CNST: variants seen among roughly 807,000 people sequenced by gnomAD.
CNST encodes the protein consortin.
A neutral mutation model predicts 72.4 loss-of-function variants in CNST; 39 were observed. That is an observed-to-expected ratio of 0.54 (90% confidence interval 0.42 to 0.70). The LOEUF (loss-of-function observed/expected upper bound fraction) is 0.70. CNST is among the 30% of genes least tolerant of loss of function. The probability of loss-of-function intolerance (pLI) is 0.00; values close to 1 mark genes in which losing one functional copy is unlikely to be tolerated. For missense variants in CNST, 871 were observed against 868.5 expected, an observed-to-expected ratio of 1.00 and a Z score of -0.04; for synonymous variants, 332 against 320.1, an observed-to-expected ratio of 1.04 and a Z score of -0.40.
rs1666153809 is a variant in CNST, at chr1:246,647,292, T to C, written c.1091T>C (p.Leu364Pro). The C allele has an allele frequency of 1.9e-6, 3 of 1,614,096 alleles. No homozygotes were observed. The highest frequency in any genetic ancestry group is 2.5e-6 in the Non-Finnish European group (3 of 1,180,032). The change falls in exon 9 of 11, where the codon CTC becomes CCC. Residue 364 changes from leucine to proline, a missense_variant. By Grantham distance (98) the Leu-to-Pro change is moderately conservative. Coordinates refer to ENST00000366513, the MANE Select transcript of CNST (RefSeq NM_152609.3). Reference protein sequence around the residue: ...TAGKDHMEELLCSAEATLALH... With the variant: ...TAGKDHMEELPCSAEATLALH... ...GGAAAGGACCACATGGAGGAGCTGC[T>C]CTGCAGCGCTGAAGCCACGTTAGCG... is the stretch of plus-strand genomic sequence containing the variant.
intron 1 of CNST, among the ~76,000 whole-genome samples, chr1:246,588,212 A>G (rs1273935846): frequency 6.6e-6 from 1 of 152,154 alleles, no homozygotes; most frequent in Non-Finnish European, 1.5e-5. Context: ...AAATTTAAGT[A>G]TTTAGAATGA....
intron 2 of CNST, chr1:246,607,752 G>C (rs546589819): frequency 6.6e-6 from 1 of 152,286 alleles, no homozygotes; most frequent in Admixed American, 6.5e-5. Context: ...TGTGCTTTGG[G>C]ACTGGGCCTG....
At chr1:246,615,577 A>G (rs1663631638) in intron 2 of CNST, among the ~76,000 whole-genome samples, 1 of 150,100 alleles carries the variant, frequency 6.7e-6, no homozygotes, top group African/African-American at 2.4e-5. Context: ...CCTGGGTAAC[A>G]TAATGAAACC....
chr1:246,642,797 T>A (rs1665795918), intron 8 of CNST, among the ~76,000 whole-genome samples: 1 of 134,892 alleles, frequency 7.4e-6, no homozygotes, highest in Non-Finnish European at 1.6e-5. Context: ...TTGGATGAGT[T>A]GCCCTGAAGT....
chr1:246,657,552 G>A (rs1280055542), intron 9 of CNST, among the ~76,000 whole-genome samples: 1 of 152,184 alleles, frequency 6.6e-6, no homozygotes, highest in Admixed American at 6.5e-5. Context: ...CCACACAATT[G>A]TAATTTCTCA....
intron 2 of CNST, among the ~76,000 whole-genome samples, chr1:246,596,397 C>CAA (rs748839359): frequency 1.8e-5 from 2 of 110,374 alleles, no homozygotes; most frequent in African/African-American, 3.3e-5. Flanking sequence ...GATCCTGTCT[C>CAA]AAAAAAAAAA....
At chr1:246,635,299 G>C (rs921035638) in intron 6 of CNST, among the ~76,000 whole-genome samples, 2 of 151,746 alleles carry the variant, frequency 1.3e-5, no homozygotes, top group African/African-American at 2.4e-5. Context: ...ATTGTCTGGC[G>C]ATTAACTGTA....
chr1:246,601,512 T>C (rs1213094885), intron 2 of CNST, among the ~76,000 whole-genome samples: 1 of 150,910 alleles, frequency 6.6e-6, no homozygotes, highest in Non-Finnish European at 1.5e-5. Flanking sequence ...ATAAAATTAA[T>C]GGCCTGGCAC....
chr1:246,585,711 A>T (rs989363944), intron 1 of CNST, among the ~76,000 whole-genome samples: 5 of 108,322 alleles, frequency 4.6e-5, no homozygotes, highest in East Asian at 6.1e-4. Flanking sequence ...ACACACACAC[A>T]CTATATATGT....
chr1:246,570,256 T>G (rs576410715), intron 1 of CNST, among the ~76,000 whole-genome samples: 3 of 152,350 alleles, frequency 2.0e-5, no homozygotes, highest in Non-Finnish European at 4.4e-5. Context: ...GGTGGTGATT[T>G]ACGTAGAACC....
chr1:246,654,937 G>A (rs1024208990), intron 9 of CNST, among the ~76,000 whole-genome samples: 3 of 152,066 alleles, frequency 2.0e-5, no homozygotes, highest in African/African-American at 7.2e-5. Flanking sequence ...ACTTTCTAGA[G>A]GGAGAGACAC....
rs1339748618 is a variant in CNST at position 246,664,717 on chromosome 1, C to T, written c.1973-983C>T. Among the ~76,000 whole-genome samples, 11 of 152,296 alleles carry T rather than the reference C, an allele frequency of 7.2e-5. No individual in the cohort carries two copies. The East Asian group carries it at 1.2e-3, about 16-fold the overall frequency. On this transcript the variant is annotated intron_variant, in intron 10 of 10. Transcript: ENST00000366513. The stretch of plus-strand genomic sequence containing the variant: ...CTGGGATTACAGGCGTGAGCCACCA[C>T]ACCCAGCCTTAACACTGTCTTTTAC...
At chr1:246,571,444 C>T (rs1660061806) in intron 1 of CNST, among the ~76,000 whole-genome samples, 1 of 152,220 alleles carries the variant, frequency 6.6e-6, no homozygotes, top group South Asian at 2.1e-4. Flanking sequence ...GCCACTGTGC[C>T]AGGCCAAATG....
chr1:246,630,202 T>C (rs1033011263), intron 3 of CNST, among the ~76,000 whole-genome samples: 1 of 152,186 alleles, frequency 6.6e-6, no homozygotes, highest in Non-Finnish European at 1.5e-5. Flanking sequence ...ACACTGCAAG[T>C]TGGGGCTCTC....
At position 246,666,716 on chromosome 1, in the gene CNST, G is replaced by A. The variant is rs1186682529; in HGVS notation, c.*811G>A. On this transcript the variant is annotated 3_prime_UTR_variant, in exon 11 of 11. Coordinates refer to ENST00000366513, the MANE Select transcript of CNST (RefSeq NM_152609.3). ...GAGTCTCAGGCAACAGTTTTGTCAC[G>A]GATGCAAAGCTTCCTGAAATCATGA... 1 of 152,170 alleles carries A rather than the reference G, an allele frequency of 6.6e-6. No individual in the cohort carries two copies. Among genetic ancestry groups the A allele is most frequent in the East Asian group, 1.9e-4 (1 of 5,194 alleles). 9.4% of individuals were successfully genotyped at this position (152,170 alleles called of 1,614,324 possible).
rs765722746 is a variant in CNST at position 246,647,500 on chromosome 1, G to A, written c.1299G>A (p.Pro433=). 9 of 1,614,198 alleles carry A rather than the reference G, an allele frequency of 5.6e-6. No individual in the cohort carries two copies. Among genetic ancestry groups the A allele is most frequent in the South Asian group, 4.4e-5 (4 of 91,082 alleles). The part of the protein sequence containing the change: ...VFLSSKSKTE[P]LISPGCDRIP... Reference sequence around the variant, plus strand: ...TTTCCAGCAAGTCAAAGACAGAGCCGTTGATTTCACCAGGCTGTGACCGTA... The same window carrying A: ...TTTCCAGCAAGTCAAAGACAGAGCCATTGATTTCACCAGGCTGTGACCGTA... The change falls in exon 9 of 11, where the codon CCG becomes CCA. Residue 433 remains proline, a synonymous_variant. Coordinates refer to ENST00000366513, the MANE Select transcript of CNST (RefSeq NM_152609.3).
intron 3 of CNST, among the ~76,000 whole-genome samples, chr1:246,629,399 A>ATGTC (rs10700699): frequency 0.91 from 138,881 of 152,014 alleles, 63,444 homozygotes; most frequent in South Asian, 0.94. Flanking sequence ...TTACCTGGAA[A>ATGTC]TTTTACTTTT....
rs368913317 is a variant in CNST, at chr1:246,621,412, T to C, written c.380-17T>C. The C allele has an allele frequency of 5.7e-5, 90 of 1,579,210 alleles. No individual in the cohort carries two copies. The highest frequency in any genetic ancestry group is 7.5e-5 in the Non-Finnish European group (86 of 1,151,002). ...GGGAATTGATCCTAACATAGGCATT[T>C]TCTTTACTTCTTAAAGGACTTTTTT... On this transcript the variant is annotated splice_polypyrimidine_tract_variant and intron_variant, in intron 2 of 10. Coordinates refer to ENST00000366513, the MANE Select transcript of CNST (RefSeq NM_152609.3).
chr1:246,625,323 G>A (rs12723602), intron 3 of CNST, among the ~76,000 whole-genome samples: 47,038 of 151,118 alleles, frequency 0.31, 7,955 homozygotes, highest in East Asian at 0.67. Context: ...GTCTTTCTCC[G>A]CCCCTTTCTT....
Sources: allele counts gnomAD v4.1 joint callset (sites outside exome capture counted in the v4.1 genomes callset), GRCh38; gene constraint gnomAD v4.1.1; transcripts MANE v1.5; gene names NCBI Gene and HGNC (gene_info 2026-07-23, HGNC 2026-07-21).